NDUFS1: variants seen among roughly 807,000 people sequenced by gnomAD.
NDUFS1 encodes the protein NADH:ubiquinone oxidoreductase core subunit S1.
A neutral mutation model predicts 84.4 loss-of-function variants in NDUFS1; 61 were observed. The observed-to-expected ratio is 0.72, with a 90% confidence interval of 0.59 to 0.89. The LOEUF (loss-of-function observed/expected upper bound fraction) is 0.89, where lower values mean the gene tolerates loss of function less well. NDUFS1 is among the 40% of genes least tolerant of loss of function. The probability of loss-of-function intolerance (pLI) is 0.00; values close to 1 mark genes in which losing one functional copy is unlikely to be tolerated. For missense variants in NDUFS1, 891 were observed against 890.0 expected (o/e 1.00, Z -0.01); for synonymous variants, 275 against 290.0 (o/e 0.95, Z 0.53).
rs960860770 is a variant in NDUFS1 at position 206,117,347 on chromosome 2, G to T, written c.*6838C>A. On this transcript the variant is annotated 3_prime_UTR_variant, in exon 19 of 19. Transcript: ENST00000233190. ...GCCTACATATCTCTTTTAGTATACT[G>T]TTAGCTTCTTGAGGACATTAGCTAA... 10 of 152,332 alleles carry T rather than the reference G, an allele frequency of 6.6e-5. No homozygotes were observed. The highest frequency in any genetic ancestry group is 5.2e-4 in the Admixed American group (8 of 15,298). 9.4% of individuals were successfully genotyped at this position (152,332 alleles called of 1,614,324 possible). A position where few individuals can be genotyped will look rare whatever the true frequency, so the allele number is the denominator to read the frequency against.
At chr2:206,148,924 T>A in intron 5 of NDUFS1, 96 bp downstream of exon 5, 1 of 903,934 alleles carries the variant, frequency 1.1e-6, no homozygotes, top group Non-Finnish European at 1.8e-6. Context: ...CTTCCGAGTT[T>A]GATATTAAAT....
intron 13 of NDUFS1, among the ~76,000 whole-genome samples, chr2:206,135,618 C>T (rs1276586071): frequency 1.3e-5 from 2 of 151,634 alleles, no homozygotes; most frequent in Non-Finnish European, 2.9e-5. Context: ...TTGCAGTGAG[C>T]CGAGATCATG....
Position 206,115,782 on chromosome 2 carries a change from T to C in NDUFS1, c.*8403A>G. 1 of 395,340 alleles carries C rather than the reference T, an allele frequency of 2.5e-6. No individual in the cohort carries two copies. Among genetic ancestry groups the C allele is most frequent in the Non-Finnish European group, 4.8e-6 (1 of 207,704 alleles). The allele number at this position is 395,340 out of a possible 1,614,324, so 24.5% of individuals were successfully genotyped here. On this transcript the variant is annotated 3_prime_UTR_variant, in exon 19 of 19. Coordinates refer to ENST00000233190, the MANE Select transcript of NDUFS1 (RefSeq NM_005006.7). ...TATGGACATACACAAGTTACAATAT[T>C]ATATAAGGCTTAAGAATAACAACAT...
At chr2:206,138,970 G>C (rs901505076) in intron 12 of NDUFS1, among the ~76,000 whole-genome samples, 1 of 151,912 alleles carries the variant, frequency 6.6e-6, no homozygotes, top group Non-Finnish European at 1.5e-5. Context: ...TACAGTATTA[G>C]CTGGACATGG....
chr2:206,154,842 C>T (rs1233154183), intron 1 of NDUFS1, among the ~76,000 whole-genome samples: 1 of 151,492 alleles, frequency 6.6e-6, no homozygotes, highest in Non-Finnish European at 1.5e-5. Context: ...CCAGGCTGGT[C>T]TCGAACTCCT....
Position 206,116,074 on chromosome 2 carries a change from C to T in NDUFS1, c.*8111G>A, listed in dbSNP as rs959603506. The T allele has an allele frequency of 3.9e-6, 4 of 1,025,720 alleles. No homozygotes were observed. Among genetic ancestry groups the T allele is most frequent in the Admixed American group, 1.7e-5 (1 of 59,278 alleles). 63.5% of individuals were successfully genotyped at this position (1,025,720 alleles called of 1,614,324 possible). The stretch of plus-strand genomic sequence containing the variant: ...AATTTAGGACAACTCTGCTGGGTTG[C>T]GTTATTTCATACTAGCTTATTTAGT... On this transcript the variant is annotated 3_prime_UTR_variant, in exon 19 of 19. Transcript: ENST00000233190.
intron 5 of NDUFS1, among the ~76,000 whole-genome samples, chr2:206,148,609 T>C (rs1692250357): frequency 6.6e-6 from 1 of 152,124 alleles, no homozygotes; most frequent in South Asian, 2.1e-4. Flanking sequence ...GACAACATAG[T>C]GAGACCTCGT....
Position 206,126,602 on chromosome 2 carries a change from G to A in NDUFS1, c.2029C>T (p.Gln677Ter), listed in dbSNP as rs971423942. The A allele has an allele frequency of 3.1e-6, 5 of 1,614,106 alleles. No individual in the cohort carries two copies. Among genetic ancestry groups the A allele is most frequent in the Middle Eastern group, 1.6e-4 (1 of 6,062 alleles). Residue 677 changes from glutamine (Q) to a stop codon, truncating the protein, a stop_gained, in exon 18 of 19, where the codon CAG becomes TAG. Coordinates refer to ENST00000233190, the MANE Select transcript of NDUFS1 (RefSeq NM_005006.7). LOFTEE classifies it high-confidence loss of function. Reference sequence around the variant, plus strand: ...ACAAGTGGGTCAGCAAGAAGCTGCTGGTTCACTAGCTGCACAAAAAAGAAG... The same window carrying A: ...ACAAGTGGGTCAGCAAGAAGCTGCTAGTTCACTAGCTGCACAAAAAAGAAG... The part of the protein sequence containing the change: ...QANELSKLVN[Q>*]QLLADPLVPP...
chr2:206,132,891 C>CAT, intron 14 of NDUFS1, 54 bp downstream of exon 14: 1 of 1,474,190 alleles, frequency 6.8e-7, no homozygotes, highest in Admixed American at 1.7e-5. Flanking sequence ...GGAACACATA[C>CAT]ATATACACAA....
Position 206,157,895 on chromosome 2 carries a change from C to T in NDUFS1, c.-5+1446G>A, listed in dbSNP as rs543654321. The stretch of plus-strand genomic sequence containing the variant: ...TCTCCAACATGGATCCATCCATTTA[C>T]TTCTTGCCTTCCAAGGTACCACCCT... On this transcript the variant is annotated intron_variant, in intron 1 of 18. Transcript: ENST00000233190. 8.0e-4 allele frequency among the ~76,000 whole-genome samples: 121 copies of T among 151,764 alleles called. 3 individuals carry two copies. Among genetic ancestry groups the T allele is most frequent in the South Asian group, 5.8e-3 (28 of 4,806 alleles).
At chr2:206,145,589 T>C (rs1267127524) in intron 8 of NDUFS1, among the ~76,000 whole-genome samples, 1 of 152,116 alleles carries the variant, frequency 6.6e-6, no homozygotes, top group Non-Finnish European at 1.5e-5. Context: ...TCAAAAAACC[T>C]TCCCACTGAA....
chr2:206,116,112 ACTC>A lies in NDUFS1; in HGVS notation c.*8070_*8072del. 7.3e-7 allele frequency: 1 copy of A among 1,374,106 alleles called. No individual in the cohort carries two copies. Among genetic ancestry groups the A allele is most frequent in the Admixed American group, 1.7e-5 (1 of 59,626 alleles). The allele number at this position is 1,374,106 out of a possible 1,614,324, so 85.1% of individuals were successfully genotyped here. On this transcript the variant is annotated 3_prime_UTR_variant, in exon 19 of 19. Coordinates refer to ENST00000233190, the MANE Select transcript of NDUFS1 (RefSeq NM_005006.7). ...TAGCTTATTTAGTGGTTCCATTTTC[ACTC>A]CTCAATAGATTTTATGTATTTCTCA...
In NDUFS1 at chr2:206,147,637, C is replaced by T; in HGVS notation, c.445G>A (p.Asp149Asn). Residue 149 changes from aspartate to asparagine, a missense_variant, in exon 7 of 19, where the codon GAT (aspartate) becomes AAT (asparagine). Coordinates refer to ENST00000233190, the MANE Select transcript of NDUFS1 (RefSeq NM_005006.7). Reference protein sequence around the residue: ...LQDQSMMFGNDRSRFLEGKRA... With the variant: ...LQDQSMMFGNNRSRFLEGKRA... ...TTCCCCTCTAAAAATCGGCTCCTAT[C>T]ATTTCCAAACATCATGGACTGGTCC... The T allele has an allele frequency of 6.2e-7, 1 of 1,614,156 alleles. No homozygotes were observed. Among genetic ancestry groups the T allele is most frequent in the Non-Finnish European group, 8.5e-7 (1 of 1,180,024 alleles).
At position 206,122,454 on chromosome 2, in the gene NDUFS1, C is replaced by T. The variant is rs1237670006; in HGVS notation, c.*1731G>A. On this transcript the variant is annotated 3_prime_UTR_variant, in exon 19 of 19. Transcript: ENST00000233190. ...GACCAGCCTGGCCAAATTGGTGAAA[C>T]CCTGTCTCTACTAAAAATACAAAAA... 6.6e-6 allele frequency: 1 copy of T among 151,628 alleles called. No homozygotes were observed. Among genetic ancestry groups the T allele is most frequent in the Non-Finnish European group, 1.5e-5 (1 of 67,982 alleles). 9.4% of individuals were successfully genotyped at this position (151,628 alleles called of 1,614,324 possible). A position where few individuals can be genotyped will look rare whatever the true frequency, so the allele number is the denominator to read the frequency against.
chr2:206,149,895 G>A lies in NDUFS1; in HGVS notation c.184C>T (p.Arg62Ter), dbSNP rs2105978220. The A allele has an allele frequency of 6.5e-7, 1 of 1,549,844 alleles. No individual in the cohort carries two copies. Among genetic ancestry groups the A allele is most frequent in the Non-Finnish European group, 8.8e-7 (1 of 1,141,944 alleles). Reference sequence around the variant, plus strand: ...GACAACCTTTCATGATAACAGAATCGAGGGATCTGCATGCCAACCTTCTCA... The same window carrying A: ...GACAACCTTTCATGATAACAGAATCAAGGGATCTGCATGCCAACCTTCTCA... The part of the protein sequence containing the change: ...ACEKVGMQIP[R>*]FCYHERLSVA... The change falls in exon 4 of 19, where the codon CGA becomes TGA. Residue 62 changes from arginine (R) to a stop codon, truncating the protein, a stop_gained. Transcript: ENST00000233190. LOFTEE classifies it high-confidence loss of function.
In NDUFS1 at chr2:206,138,540, C is replaced by A; in HGVS notation, c.1337G>T (p.Gly446Val). 3 of 1,614,034 alleles carry A rather than the reference C, an allele frequency of 1.9e-6. No individual in the cohort carries two copies. The highest frequency in any genetic ancestry group is 2.5e-6 in the Non-Finnish European group (3 of 1,179,924). ...GTCTTGAAGAATTTTGGGGGAGTCT[C>A]CCAGGTGGTCATATGTGTAAGTGAG... Reference protein sequence around the residue: ...VDLTYTYDHLGDSPKILQDIA... With the variant: ...VDLTYTYDHLVDSPKILQDIA... The change falls in exon 13 of 19, where the codon GGA (glycine) becomes GTA (valine). Residue 446 changes from glycine to valine, a missense_variant. Coordinates refer to ENST00000233190, the MANE Select transcript of NDUFS1 (RefSeq NM_005006.7).
At chr2:206,155,579 G>A (rs939824838) in intron 1 of NDUFS1, among the ~76,000 whole-genome samples, 3 of 151,888 alleles carry the variant, frequency 2.0e-5, no homozygotes, top group Admixed American at 6.6e-5. Context: ...CAACATGCCC[G>A]GCAAATTTTT....
chr2:206,132,365 C>T (rs941282685), intron 14 of NDUFS1, among the ~76,000 whole-genome samples: 2 of 152,098 alleles, frequency 1.3e-5, no homozygotes, highest in Admixed American at 6.6e-5. Flanking sequence ...AGAAGTATCG[C>T]CTGAGCCCAG....
At chr2:206,136,427 G>GTTT (rs760484724) in intron 13 of NDUFS1, among the ~76,000 whole-genome samples, 1 of 123,306 alleles carries the variant, frequency 8.1e-6, no homozygotes, top group Non-Finnish European at 1.7e-5. Flanking sequence ...TTAGTTGTTG[G>GTTT]TTTTTTTTTT....
Sources: gnomAD v4.1 joint callset for allele counts (sites outside exome capture counted in the v4.1 genomes callset) on GRCh38, gnomAD v4.1.1 for gene constraint, MANE v1.5 for transcripts, NCBI Gene and HGNC (gene_info 2026-07-23, HGNC 2026-07-21) for gene names.